EVA1C: variants seen among roughly 807,000 people sequenced by gnomAD.
EVA1C encodes the protein protein eva-1 homolog C.
In EVA1C, 25 loss-of-function variants were observed where a neutral mutation model predicts 45.4. That is an observed-to-expected ratio of 0.55 (90% CI 0.40 to 0.77). The LOEUF (loss-of-function observed/expected upper bound fraction) is 0.77. EVA1C is among the 30% of genes least tolerant of loss of function. The probability of loss-of-function intolerance (pLI) is 0.00; values close to 1 mark genes in which losing one functional copy is unlikely to be tolerated. For synonymous variants in EVA1C, 190 were observed against 221.2 expected, an observed-to-expected ratio of 0.86 and a Z score of 1.25; for missense variants, 479 against 554.8, an observed-to-expected ratio of 0.86 and a Z score of 1.37.
rs1189558278 is a variant in EVA1C, at chr21:32,453,238, G to A, written c.161-74G>A. The A allele has an allele frequency of 1.6e-4, 175 of 1,108,594 alleles. 2 individuals carry two copies. In the East Asian group the frequency reaches 3.7e-3, roughly 23 times the overall value. The allele number at this position is 1,108,594 out of a possible 1,614,324, so 68.7% of individuals were successfully genotyped here. ...ACAGCCCTTCCCCAGGGGAACCAAC[G>A]TCCTCCTGTCCCCAAACCCATGGAG... On this transcript the variant is annotated intron_variant, in intron 1 of 7. Transcript: ENST00000300255.
At chr21:32,489,232 A>G (rs1814919974) in intron 4 of EVA1C, among the ~76,000 whole-genome samples, 1 of 152,160 alleles carries the variant, frequency 6.6e-6, no homozygotes, top group South Asian at 2.1e-4. Context: ...CCGGTCTTAT[A>G]TTTGGTCTTT....
intron 3 of EVA1C, among the ~76,000 whole-genome samples, chr21:32,466,374 G>A (rs920579627): frequency 3.3e-5 from 5 of 149,536 alleles, no homozygotes; most frequent in African/African-American, 9.9e-5. Context: ...AGCAGAGATC[G>A]TGCCACTGCA....
At chr21:32,479,550 A>G (rs1055694672) in intron 4 of EVA1C, among the ~76,000 whole-genome samples, 5 of 152,364 alleles carry the variant, frequency 3.3e-5, no homozygotes, top group Middle Eastern at 3.4e-3. Flanking sequence ...CTCAGTGTCA[A>G]CAAAGATACA....
intron 1 of EVA1C, among the ~76,000 whole-genome samples, chr21:32,445,535 A>C (rs2035332660): frequency 6.6e-6 from 1 of 152,174 alleles, no homozygotes; most frequent in Non-Finnish European, 1.5e-5. Context: ...CCTTTGGCTT[A>C]GTAAGTATGG....
intron 7 of EVA1C, among the ~76,000 whole-genome samples, chr21:32,507,947 GTT>G: frequency 1.9e-5 from 2 of 104,938 alleles, no homozygotes; most frequent in African/African-American, 1.1e-4. Flanking sequence ...CTGTATGTGT[GTT>G]TGTGTGTGTG....
intron 7 of EVA1C, among the ~76,000 whole-genome samples, chr21:32,510,167 G>A (rs909995147): frequency 1.5e-4 from 22 of 150,030 alleles, no homozygotes; most frequent in Middle Eastern, 3.4e-3. Flanking sequence ...TCCTGCCTCA[G>A]CCTCCCAAGT....
intron 7 of EVA1C, among the ~76,000 whole-genome samples, chr21:32,507,516 ATG>A (rs1490292907): frequency 7.5e-5 from 11 of 146,196 alleles, no homozygotes; most frequent in East Asian, 6.2e-4. Flanking sequence ...ATCTGTGTGC[ATG>A]TGTCTCTGTG....
rs1046769 is a variant in EVA1C at position 32,515,319 on chromosome 21, A to T, written c.*129A>T. ...CATGTCATTCAACACTCGTGAGGCC[A>T]GGAAGCTATTAAAGGGATGTTTCAA... On this transcript the variant is annotated 3_prime_UTR_variant, in exon 8 of 8. Transcript: ENST00000300255. 6.3e-4 allele frequency: 639 copies of T among 1,010,918 alleles called. 5 individuals carry two copies. In the African/African-American group the frequency reaches 9.2e-3, roughly 15 times the overall value. 62.6% of individuals were successfully genotyped at this position (1,010,918 alleles called of 1,614,324 possible).
At chr21:32,425,150 A>AAAACAAAC (rs56144507) in intron 1 of EVA1C, among the ~76,000 whole-genome samples, 51,434 of 148,722 alleles carry the variant, frequency 0.35, 9,744 homozygotes, top group African/African-American at 0.5. Flanking sequence ...ATCTCTACTA[A>AAAACAAAC]AAACAAACAA....
intron 4 of EVA1C, among the ~76,000 whole-genome samples, chr21:32,473,445 C>T (rs1232349459): frequency 6.6e-6 from 1 of 152,252 alleles, no homozygotes; most frequent in Non-Finnish European, 1.5e-5. Context: ...TCCAAACATG[C>T]TTTAATATCA....
chr21:32,507,362 G>A (rs1601064680), intron 7 of EVA1C, among the ~76,000 whole-genome samples: 2 of 152,180 alleles, frequency 1.3e-5, no homozygotes, highest in African/African-American at 4.8e-5. Flanking sequence ...GTGTGTGTGT[G>A]TGCATGTGTG....
rs117899919 is a variant in EVA1C at position 32,507,542 on chromosome 21, G to A, written c.949+3527G>A. On this transcript the variant is annotated intron_variant, in intron 7 of 7. Transcript: ENST00000300255. ...TGTGTCTCTGTGTGTGCATGTGTGC[G>A]TCTGTATGTATGCGTGTTTTTGTGT... Among the ~76,000 whole-genome samples the A allele has an allele frequency of 4.5e-3, 518 of 114,830 alleles. 5 individuals carry two copies. In the East Asian group the frequency reaches 0.071, roughly 16 times the overall value. The allele number at this position is 114,830 out of a possible 152,430, so 75.3% of individuals were successfully genotyped here. A position where few individuals can be genotyped will look rare whatever the true frequency, so the allele number is the denominator to read the frequency against.
intron 7 of EVA1C, among the ~76,000 whole-genome samples, chr21:32,513,893 C>T (rs1332629255): frequency 6.6e-6 from 1 of 152,132 alleles, no homozygotes; most frequent in Non-Finnish European, 1.5e-5. Context: ...GATTCCTCAT[C>T]TATGGGTTCA....
At chr21:32,488,025 G>A (rs1032243300) in intron 4 of EVA1C, among the ~76,000 whole-genome samples, 2 of 152,128 alleles carry the variant, frequency 1.3e-5, no homozygotes, top group African/African-American at 4.8e-5. Context: ...TGTGGTATCT[G>A]TACTAACTCC....
At chr21:32,461,909 G>T (rs1225017200) in intron 3 of EVA1C, among the ~76,000 whole-genome samples, 1 of 152,156 alleles carries the variant, frequency 6.6e-6, no homozygotes, top group Non-Finnish European at 1.5e-5. Context: ...TCTGCTGTGT[G>T]TTGGGCAGTG....
At chr21:32,416,311 TTTTC>T (rs2034039729) in intron 1 of EVA1C, among the ~76,000 whole-genome samples, 3 of 114,988 alleles carry the variant, frequency 2.6e-5, no homozygotes, top group Admixed American at 2.6e-4. Flanking sequence ...CTCCTTTTCT[TTTTC>T]TTTTTCTTTT....
chr21:32,502,016 CTTTCTTT>C, intron 6 of EVA1C, among the ~76,000 whole-genome samples: 1 of 136,030 alleles, frequency 7.4e-6, no homozygotes, highest in Middle Eastern at 3.5e-3. Context: ...TTCTTTCTTT[CTTTCTTT>C]CTTTCTTTCT....
At chr21:32,449,136 C>G (rs920491787) in intron 1 of EVA1C, among the ~76,000 whole-genome samples, 6 of 152,212 alleles carry the variant, frequency 3.9e-5, no homozygotes, top group African/African-American at 1.4e-4. Flanking sequence ...CACATACACA[C>G]ACACGTGCAG....
intron 5 of EVA1C, chr21:32,496,954 A>T: frequency 7.2e-7 from 1 of 1,394,520 alleles, no homozygotes; most frequent in Non-Finnish European, 1.0e-6. Flanking sequence ...AAACAGACCA[A>T]ATGTGCAGGT....
Sources: allele counts gnomAD v4.1 joint callset (sites outside exome capture counted in the v4.1 genomes callset), GRCh38; gene constraint gnomAD v4.1.1; transcripts MANE v1.5; gene names NCBI Gene and HGNC (gene_info 2026-07-23, HGNC 2026-07-21).